The following TF variants were observed in gnomAD, a reference collection of about 807,000 sequenced individuals.
TF encodes transferrin, also known as serotransferrin.
TF carries 55 observed loss-of-function variants against 82.4 expected under a neutral mutation model. That is an observed-to-expected ratio of 0.67 (90% CI 0.54 to 0.84). TF has a LOEUF of 0.84. TF is among the 40% of genes least tolerant of loss of function. The pLI is 0.00. For missense variants in TF, 737 were observed against 868.4 expected (o/e 0.85, Z 1.90); for synonymous variants, 332 against 332.6 (o/e 1.00, Z 0.02).
rs1934581597 is a variant in TF, at chr3:133,784,041, T to C, written c.*5421T>C. 2 of 152,340 alleles carry C rather than the reference T, an allele frequency of 1.3e-5. No homozygotes were observed. 9.4% of individuals were successfully genotyped at this position (152,340 alleles called of 1,614,324 possible). On this transcript the variant is annotated 3_prime_UTR_variant, in exon 17 of 17. Coordinates refer to ENST00000402696, the MANE Select transcript of TF (RefSeq NM_001063.4). ...GCGGCTCAGCTGCCTCCGTAGGCCA[T>C]GGAGCCGAGCAGATCCGGGTCTTCG...
chr3:133,715,440 T>C, the TF span, among the ~76,000 whole-genome samples: 227 of 152,326 alleles, frequency 1.5e-3, 2 homozygotes, highest in South Asian at 0.015. Flanking sequence ...TTCAGGATTG[T>C]TGCCCTGGCA....
chr3:133,738,340 ACCTACAG>A, the TF span, among the ~76,000 whole-genome samples: 1 of 152,314 alleles, frequency 6.6e-6, no homozygotes, highest in Non-Finnish European at 1.5e-5. Flanking sequence ...TTTATGACAA[ACCTACAG>A]CCAATATCAT....
In TF at chr3:133,778,743, G is replaced by A. The variant is rs958926994; in HGVS notation, c.*123G>A. 3.3e-6 allele frequency: 3 copies of A among 897,332 alleles called. No homozygotes were observed. The highest frequency in any genetic ancestry group is 3.4e-5 in the African/African-American group (2 of 59,192). 55.6% of individuals were successfully genotyped at this position (897,332 alleles called of 1,614,324 possible). A position where few individuals can be genotyped will look rare whatever the true frequency, so the allele number is the denominator to read the frequency against. On this transcript the variant is annotated 3_prime_UTR_variant, in exon 17 of 17. Transcript: ENST00000402696. ...ACGTCTGTCTTCACAGCTCTGTGTTGCCATGTGTGCTGAACAAAAAATAAA... is the reference window on the plus strand; with the variant it reads ...ACGTCTGTCTTCACAGCTCTGTGTTACCATGTGTGCTGAACAAAAAATAAA...
In TF at chr3:133,752,157, A is replaced by G. The variant is rs560146741; in HGVS notation, c.217-1438A>G. On this transcript the variant is annotated intron_variant, in intron 2 of 16. Coordinates refer to ENST00000402696, the MANE Select transcript of TF (RefSeq NM_001063.4). ...ACCTAGGCTAGAGTGCAGTGGTACA[A>G]TCTCGGCTCACTGCAACCTCTGCAT... Among the ~76,000 whole-genome samples the G allele has an allele frequency of 8.1e-5, 12 of 148,632 alleles. No homozygotes were observed. In the East Asian group the frequency reaches 1.6e-3, roughly 20 times the overall value.
rs779361942 is a variant in TF at position 133,746,517 on chromosome 3, G to C, written c.43+34G>C. 12 of 1,576,202 alleles carry C rather than the reference G, an allele frequency of 7.6e-6. No individual in the cohort carries two copies. The South Asian group carries it at 8.0e-5, about 11-fold the overall frequency. ...GGGCACGGGGTAGCACCGCAGAGTC[G>C]CTGGCCCGCGCGTTCCCTGCAACCC... On this transcript the variant is annotated intron_variant, in intron 1 of 16. Coordinates refer to ENST00000402696, the MANE Select transcript of TF (RefSeq NM_001063.4).
At chr3:133,759,870 TTTTTAAA>T (rs1210975054) in intron 9 of TF, among the ~76,000 whole-genome samples, 3 of 152,138 alleles carry the variant, frequency 2.0e-5, no homozygotes, top group African/African-American at 7.2e-5. Context: ...TTACAGAGAA[TTTTTAAA>T]ATCCTGAATG....
chr3:133,764,742 T>C, intron 10 of TF, 133 bp from the exon 11 acceptor site: 8 of 844,106 alleles, frequency 9.5e-6, no homozygotes, highest in Non-Finnish European at 1.5e-5. Flanking sequence ...TCTGGACTTG[T>C]TGGGAATTGA....
chr3:133,704,127 A>T, the TF span: 1 of 163,708 alleles, frequency 6.1e-6, no homozygotes, highest in Non-Finnish European at 1.4e-5. Flanking sequence ...TTGGTTAATC[A>T]CAAGGATGTT....
the TF span, among the ~76,000 whole-genome samples, chr3:133,673,681 A>G: frequency 6.6e-6 from 1 of 152,004 alleles, no homozygotes; most frequent in Non-Finnish European, 1.5e-5. Flanking sequence ...AGTCAAGATA[A>G]TGGGTACCTT....
rs775736389 is a variant in TF, at chr3:133,757,725, T to TGAG, written c.871-44_871-43insGAG. 5.1e-6 allele frequency: 8 copies of TGAG among 1,570,634 alleles called. No homozygotes were observed. In the East Asian group the frequency reaches 1.8e-4, roughly 35 times the overall value. ...TCTTCAGTCCCATTTCTCAGCCTCC[T>TGAG]TTCTTCTGTGTTGCCATCCACTATT... On this transcript the variant is annotated intron_variant, in intron 7 of 16. Coordinates refer to ENST00000402696, the MANE Select transcript of TF (RefSeq NM_001063.4).
rs113759779 is a variant in TF at position 133,784,568 on chromosome 3, A to C, written c.*5948A>C. ...ATGAAGTTGTTAGACCACCTCTGGAAGTGACAGCAGGAGCCACACATCCAC... is the reference window on the plus strand; with the variant it reads ...ATGAAGTTGTTAGACCACCTCTGGACGTGACAGCAGGAGCCACACATCCAC... On this transcript the variant is annotated 3_prime_UTR_variant, in exon 17 of 17. Transcript: ENST00000402696. 9 of 152,038 alleles carry C rather than the reference A, an allele frequency of 5.9e-5. No individual in the cohort carries two copies. Among genetic ancestry groups the C allele is most frequent in the African/African-American group, 1.9e-4 (8 of 41,392 alleles). 9.4% of individuals were successfully genotyped at this position (152,038 alleles called of 1,614,324 possible).
chr3:133,694,886 A>T, the TF span, among the ~76,000 whole-genome samples: 1 of 116,000 alleles, frequency 8.6e-6, no homozygotes, highest in Non-Finnish European at 2.0e-5. Context: ...TTATTTATTT[A>T]TTATTATTAT....
chr3:133,733,606 ATC>A, the TF span, among the ~76,000 whole-genome samples: 1 of 152,164 alleles, frequency 6.6e-6, no homozygotes, highest in South Asian at 2.1e-4. Flanking sequence ...AGCCAGGTAC[ATC>A]TCTGTCTTAA....
At chr3:133,771,523 G>C (rs1038289114) in intron 14 of TF, among the ~76,000 whole-genome samples, 5 of 151,808 alleles carry the variant, frequency 3.3e-5, no homozygotes, top group African/African-American at 1.2e-4. Context: ...GGATCATGAG[G>C]TCAGGAGATC....
intron 6 of TF, 136 bp from the exon 7 acceptor site, chr3:133,756,695 C>A: frequency 9.1e-7 from 1 of 1,099,976 alleles, no homozygotes; most frequent in Non-Finnish European, 1.4e-6. Context: ...GAGTCATTCT[C>A]CCGCATGTTC....
chr3:133,744,771 A>T (rs1026910084), upstream of TF, among the ~76,000 whole-genome samples: 3 of 152,248 alleles, frequency 2.0e-5, no homozygotes, highest in Admixed American at 2.0e-4. Context: ...ACCCCTTTGC[A>T]TATGAGATAA....
chr3:133,720,506 T>G, the TF span, among the ~76,000 whole-genome samples: 2 of 152,206 alleles, frequency 1.3e-5, no homozygotes, highest in African/African-American at 2.4e-5. Flanking sequence ...ACTAGTATCT[T>G]CTTGAAATGT....
In TF at chr3:133,754,651, C is replaced by T. The variant is rs780076974; in HGVS notation, c.482C>T (p.Pro161Leu). The change falls in exon 4 of 17, where the codon CCA becomes CTA. Residue 161 changes from proline (P) to leucine (L), a missense_variant. By Grantham distance (98) the Pro-to-Leu change is moderately conservative. Transcript: ENST00000402696. ...IGLLYCDLPE[P>L]RKPLEKAVAN... ...TTACTTTACTGTGACTTACCTGAGC[C>T]ACGTAAACCTCTTGAGAAAGGTAAG... is the stretch of plus-strand genomic sequence containing the variant. 1.9e-6 allele frequency: 3 copies of T among 1,614,090 alleles called. No homozygotes were observed. The highest frequency in any genetic ancestry group is 2.2e-5 in the East Asian group (1 of 44,894).
chr3:133,775,615 CA>C lies in TF; in HGVS notation c.1871del (p.Gln624ArgfsTer8). ...CGTCCACAAGATATTACGTCAACAGCAGGTATGGACCAGCCAGGTCCTCCCA... is the reference window on the plus strand; with the variant it reads ...CGTCCACAAGATATTACGTCAACAGCGGTATGGACCAGCCAGGTCCTCCCA... ...ACVHKILRQQ[Q>X]HLFGSNVTDC... On this transcript the variant is annotated frameshift_variant and splice_region_variant, in exon 15 of 17. Transcript: ENST00000402696. LOFTEE classifies it high-confidence loss of function. The C allele has an allele frequency of 6.2e-7, 1 of 1,613,946 alleles. No individual in the cohort carries two copies. The highest frequency in any genetic ancestry group is 1.7e-4 in the Middle Eastern group (1 of 5,912).
Sources: gnomAD v4.1 joint callset for allele counts (sites outside exome capture counted in the v4.1 genomes callset) on GRCh38, gnomAD v4.1.1 for gene constraint, MANE v1.5 for transcripts, NCBI Gene and HGNC (gene_info 2026-07-23, HGNC 2026-07-21) for gene names.